The following PVT1 variants were observed in gnomAD, a reference collection of about 807,000 sequenced individuals.
The protein encoded by PVT1 is Pvt1 oncogene, also known as CXCR4/PVT1 fusion.
chr8:127,926,725 C>T (rs1476294615), intron 3 of PVT1, among the ~76,000 whole-genome samples: 1 of 152,206 alleles, frequency 6.6e-6, no homozygotes. Context: ...CCCGGGTGCC[C>T]ACCCTCAGAC....
chr8:127,797,820 C>G lies in PVT1; in HGVS notation n.372+1749C>G, dbSNP rs7007324. On this transcript the variant is annotated intron_variant and non_coding_transcript_variant, in intron 2 of 10. Transcript: ENST00000651587. Reference sequence around the variant, plus strand: ...GTTCTAACACTTCAAATTATATGATCTCATTTAACTTTCCTATAAAATAGG... The same window carrying G: ...GTTCTAACACTTCAAATTATATGATGTCATTTAACTTTCCTATAAAATAGG... Among the ~76,000 whole-genome samples the G allele has an allele frequency of 1.6e-3, 240 of 152,208 alleles. 3 individuals carry two copies. Among genetic ancestry groups the G allele is most frequent in the African/African-American group, 5.4e-3 (226 of 41,520 alleles).
chr8:127,960,942 G>T (rs1384403705), intron 3 of PVT1, among the ~76,000 whole-genome samples: 5 of 67,564 alleles, frequency 7.4e-5, no homozygotes, highest in South Asian at 5.2e-4. Context: ...GTGTTTGGGG[G>T]TGGGGGGGGC....
At chr8:127,947,225 C>T (rs1586449710) in intron 3 of PVT1, 1 of 157,740 alleles carries the variant, frequency 6.3e-6, no homozygotes, top group East Asian at 1.8e-4. Flanking sequence ...AGCCACACAG[C>T]TGGGTTAAAT....
chr8:128,100,119 CTCCCTCCA>C (rs1370783467), intron 6 of PVT1, among the ~76,000 whole-genome samples: 1 of 109,558 alleles, frequency 9.1e-6, no homozygotes, highest in Admixed American at 1.0e-4. Context: ...CCCAACCTTC[CTCCCTCCA>C]TCCCTCCCTC....
At chr8:127,887,714 A>T (rs1210317172) in intron 2 of PVT1, among the ~76,000 whole-genome samples, 5 of 151,822 alleles carry the variant, frequency 3.3e-5, no homozygotes, top group African/African-American at 1.2e-4. Flanking sequence ...TTTAGTAGAG[A>T]CGGGGTTTCA....
At chr8:128,024,816 G>C (rs981070083) in intron 4 of PVT1, among the ~76,000 whole-genome samples, 2 of 152,118 alleles carry the variant, frequency 1.3e-5, no homozygotes, top group Non-Finnish European at 2.9e-5. Context: ...TTGGGAAGAG[G>C]CCTGAGGGCT....
intron 3 of PVT1, among the ~76,000 whole-genome samples, chr8:127,918,073 C>T (rs1426796775): frequency 1.3e-5 from 2 of 152,232 alleles, no homozygotes; most frequent in South Asian, 2.1e-4. Context: ...TGTGCTGAGA[C>T]CTCATGCGCT....
intron 3 of PVT1, among the ~76,000 whole-genome samples, chr8:127,906,688 T>A (rs57153016): frequency 0.056 from 8,499 of 152,154 alleles, 697 homozygotes; most frequent in African/African-American, 0.18. Context: ...TGAGTCTTGT[T>A]TCCATGCGTT....
At chr8:128,100,483 C>G (rs991750908) in intron 6 of PVT1, among the ~76,000 whole-genome samples, 2 of 152,150 alleles carry the variant, frequency 1.3e-5, no homozygotes, top group African/African-American at 4.8e-5. Context: ...TGCGGTCCAG[C>G]AAAGCCCTCT....
chr8:127,916,096 A>G (rs1306337302), intron 3 of PVT1, among the ~76,000 whole-genome samples: 1 of 152,216 alleles, frequency 6.6e-6, no homozygotes, highest in Non-Finnish European at 1.5e-5. Flanking sequence ...TCACAGTTCC[A>G]CTATGTGGTC....
At chr8:127,996,333 G>A (rs996630608) in intron 4 of PVT1, among the ~76,000 whole-genome samples, 3 of 151,572 alleles carry the variant, frequency 2.0e-5, no homozygotes, top group Non-Finnish European at 4.4e-5. Context: ...GACTCTGCTG[G>A]TAATTTGTGT....
chr8:127,979,534 G>A (rs1415775805), intron 3 of PVT1, among the ~76,000 whole-genome samples: 1 of 152,198 alleles, frequency 6.6e-6, no homozygotes, highest in Non-Finnish European at 1.5e-5. Flanking sequence ...TGTTTATTAT[G>A]GGATTCCTTT....
At chr8:127,874,519 T>C (rs1815384103) in intron 2 of PVT1, among the ~76,000 whole-genome samples, 1 of 152,200 alleles carries the variant, frequency 6.6e-6, no homozygotes, top group Non-Finnish European at 1.5e-5. Flanking sequence ...CCCACCCATA[T>C]GGCTGGTGCT....
At chr8:127,836,020 C>T (rs1814905097) in intron 2 of PVT1, among the ~76,000 whole-genome samples, 1 of 152,106 alleles carries the variant, frequency 6.6e-6, no homozygotes, top group Admixed American at 6.6e-5. Context: ...GCTTTTTCCC[C>T]AGCTTGTTGA....
At chr8:128,072,284 A>G (rs1319935080) in intron 5 of PVT1, among the ~76,000 whole-genome samples, 3 of 152,160 alleles carry the variant, frequency 2.0e-5, no homozygotes, top group Admixed American at 6.5e-5. Flanking sequence ...ACATGACTGG[A>G]TCATTTCTGG....
intron 3 of PVT1, among the ~76,000 whole-genome samples, chr8:127,962,075 A>C (rs575836014): frequency 6.6e-6 from 1 of 152,356 alleles, no homozygotes; most frequent in South Asian, 2.1e-4. Context: ...CTGGGGTTCA[A>C]GCGATTCTCC....
chr8:127,860,061 A>C (rs1347880709), intron 2 of PVT1, among the ~76,000 whole-genome samples: 1 of 152,126 alleles, frequency 6.6e-6, no homozygotes, highest in Non-Finnish European at 1.5e-5. Flanking sequence ...AGCGGTGATG[A>C]GAACTGATGA....
chr8:128,041,679 GT>G (rs1255460110), intron 4 of PVT1, among the ~76,000 whole-genome samples: 2 of 151,422 alleles, frequency 1.3e-5, no homozygotes, highest in Non-Finnish European at 2.9e-5. Context: ...TGTTGTTCGT[GT>G]GTGTTTGTGT....
chr8:127,959,586 GAAAAAA>G (rs34255005), intron 3 of PVT1, among the ~76,000 whole-genome samples: 2 of 76,504 alleles, frequency 2.6e-5, no homozygotes, highest in Non-Finnish European at 4.9e-5. Flanking sequence ...TCTGTCTCAG[GAAAAAA>G]AAAAAAAAAA....
Sources: allele counts gnomAD v4.1 joint callset (sites outside exome capture counted in the v4.1 genomes callset), GRCh38; gene constraint gnomAD v4.1.1; transcripts MANE v1.5; gene names NCBI Gene and HGNC (gene_info 2026-07-23, HGNC 2026-07-21).